Variants in DRD3 observed in about 807,000 individuals in gnomAD.
The protein encoded by DRD3 is D(3) dopamine receptor.
In DRD3, 19 loss-of-function variants were observed where a neutral mutation model predicts 36.3. The ratio of observed to expected loss-of-function variants is 0.52; its 90% confidence interval spans 0.36 to 0.77. The LOEUF (loss-of-function observed/expected upper bound fraction) is 0.77, where lower values mean the gene tolerates loss of function less well. Among genes scored for constraint, DRD3 ranks in the 30% least tolerant of loss-of-function variants. The pLI is 0.00. For missense variants in DRD3, 465 were observed against 505.3 expected (o/e 0.92, Z 0.77); for synonymous variants, 195 against 203.7 (o/e 0.96, Z 0.36).
Position 114,155,684 on chromosome 3 carries a change from A to G in DRD3, c.383+4071T>C, listed in dbSNP as rs114207631. Among the ~76,000 whole-genome samples, 1,404 of 152,038 alleles carry G rather than the reference A, an allele frequency of 9.2e-3. 13 individuals are homozygous for G. Among genetic ancestry groups the G allele is most frequent in the Middle Eastern group, 0.051 (15 of 294 alleles). On this transcript the variant is annotated intron_variant, in intron 3 of 6. Transcript: ENST00000383673. The stretch of plus-strand genomic sequence containing the variant: ...ATTTCCACACCCTTGCGCAGGGAAC[A>G]ACCTGCACAACCTCACCCACAGCCC...
chr3:114,187,968 C>G lies in DRD3; in HGVS notation c.-155-9192G>C, dbSNP rs1037418358. Reference sequence around the variant, plus strand: ...GAGACACTAGATAATTCAACACAATCATGCTCCTTGTGCCCTAGGAAGAGA... The same window carrying G: ...GAGACACTAGATAATTCAACACAATGATGCTCCTTGTGCCCTAGGAAGAGA... On this transcript the variant is annotated intron_variant, in intron 1 of 7. Coordinates refer to the DRD3 transcript ENST00000460779. 9.9e-5 allele frequency among the ~76,000 whole-genome samples: 15 copies of G among 152,164 alleles called. 1 individual carries two copies. Among genetic ancestry groups the G allele is most frequent in the South Asian group, 6.2e-4 (3 of 4,828 alleles).
At chr3:114,137,726 T>G (rs2077486318) in intron 5 of DRD3, among the ~76,000 whole-genome samples, 1 of 151,658 alleles carries the variant, frequency 6.6e-6, no homozygotes, top group South Asian at 2.1e-4. Flanking sequence ...GCGCGGTGGC[T>G]CACGCTTGTA....
chr3:114,153,098 A>G (rs1465482072), intron 3 of DRD3, among the ~76,000 whole-genome samples: 1 of 152,202 alleles, frequency 6.6e-6, no homozygotes, highest in East Asian at 1.9e-4. Flanking sequence ...CGCGGGCATG[A>G]GAAACGGACT....
intron 2 of DRD3, among the ~76,000 whole-genome samples, chr3:114,162,030 C>CACTT (rs1464883510): frequency 3.3e-5 from 5 of 152,180 alleles, no homozygotes; most frequent in African/African-American, 7.2e-5. Context: ...TTCATTCATG[C>CACTT]ACTTGTAGAG....
intron 3 of DRD3, among the ~76,000 whole-genome samples, chr3:114,156,975 TCTTTCTTTCTTC>T (rs1386933923): frequency 7.4e-5 from 11 of 149,216 alleles, no homozygotes; most frequent in Admixed American, 1.3e-4. Context: ...CTTCCTTCCT[TCTTTCTTTCTTC>T]CTTTCTTTCT....
upstream of DRD3, among the ~76,000 whole-genome samples, chr3:114,179,799 T>C (rs2077936072): frequency 6.6e-6 from 1 of 152,188 alleles, no homozygotes; most frequent in Non-Finnish European, 1.5e-5. Flanking sequence ...TGTTTGACTA[T>C]GATGGAGACC....
chr3:114,191,180 G>A (rs1376459539), intron 1 of DRD3, among the ~76,000 whole-genome samples: 1 of 152,232 alleles, frequency 6.6e-6, no homozygotes, highest in Non-Finnish European at 1.5e-5. Context: ...CTGGTACAGG[G>A]AGGTGGAGAA....
At chr3:114,130,584 C>T (rs968450957) in intron 6 of DRD3, among the ~76,000 whole-genome samples, 4 of 152,118 alleles carry the variant, frequency 2.6e-5, no homozygotes, top group Non-Finnish European at 2.9e-5. Context: ...ACCACCACGC[C>T]TGGCTAATTT....
intron 2 of DRD3, among the ~76,000 whole-genome samples, chr3:114,160,273 T>C (rs1247447583): frequency 6.6e-6 from 1 of 151,988 alleles, no homozygotes; most frequent in African/African-American, 2.4e-5. Context: ...TGAGATGGAG[T>C]TTTGCTCTTG....
In DRD3 at chr3:114,174,927, A is replaced by G. The variant is rs73856232; in HGVS notation, c.-35-2900T>C. ...CACTCTCTAAGTAATTTACAATGAT[A>G]GGCTGGTTTCCTCATCAGCAAAATG... On this transcript the variant is annotated intron_variant, in intron 1 of 6. Coordinates refer to ENST00000383673, the MANE Select transcript of DRD3 (RefSeq NM_000796.6). Among the ~76,000 whole-genome samples the G allele has an allele frequency of 4.2e-3, 637 of 152,252 alleles. 5 individuals are homozygous for G. Among genetic ancestry groups the G allele is most frequent in the African/African-American group, 0.015 (610 of 41,536 alleles).
chr3:114,173,525 AG>A (rs1223525711), intron 1 of DRD3, among the ~76,000 whole-genome samples: 1 of 152,160 alleles, frequency 6.6e-6, no homozygotes, highest in African/African-American at 2.4e-5. Context: ...ATAAATGTGT[AG>A]GGTTCCTGGG....
chr3:114,150,814 C>T (rs1210520322), intron 3 of DRD3, among the ~76,000 whole-genome samples: 1 of 152,164 alleles, frequency 6.6e-6, no homozygotes, highest in Non-Finnish European at 1.5e-5. Context: ...TGTGTGTTTC[C>T]CCTGCTCCTA....
intron 3 of DRD3, among the ~76,000 whole-genome samples, chr3:114,150,144 A>G (rs1409300045): frequency 7.7e-6 from 1 of 129,346 alleles, no homozygotes; most frequent in East Asian, 2.3e-4. Context: ...TACGTTGCCA[A>G]TCTGACCTCC....
At chr3:114,143,553 C>T (rs902030898) in intron 4 of DRD3, among the ~76,000 whole-genome samples, 1 of 152,214 alleles carries the variant, frequency 6.6e-6, no homozygotes, top group Non-Finnish European at 1.5e-5. Context: ...ACTTCAAATT[C>T]ATTGATGGAT....
At chr3:114,191,466 AG>A (rs2078010385) in intron 1 of DRD3, among the ~76,000 whole-genome samples, 1 of 152,164 alleles carries the variant, frequency 6.6e-6, no homozygotes, top group Non-Finnish European at 1.5e-5. Flanking sequence ...ATGACAAGAG[AG>A]GTGGAACAAG....
intron 5 of DRD3, among the ~76,000 whole-genome samples, chr3:114,135,184 C>CTTTTTTT: frequency 7.5e-4 from 2 of 2,670 alleles, no homozygotes; most frequent in African/African-American, 8.6e-4. Context: ...TGATATTTGT[C>CTTTTTTT]TTTTTTTTTT....
intron 3 of DRD3, among the ~76,000 whole-genome samples, chr3:114,156,721 CTTTCTTTCTTTCTTTCTTTCT>C (rs2077671700): frequency 2.6e-5 from 1 of 38,480 alleles, no homozygotes; most frequent in Non-Finnish European, 5.6e-5. Context: ...GCCTGTCTTT[CTTTCTTTCTTTCTTTCTTTCT>C]TTTTCTTTCT....
intron 3 of DRD3, among the ~76,000 whole-genome samples, chr3:114,158,584 A>G (rs2077703793): frequency 6.6e-6 from 1 of 152,212 alleles, no homozygotes; most frequent in Non-Finnish European, 1.5e-5. Context: ...TGTGCCCATT[A>G]CAGAGTCTTG....
intron 3 of DRD3, among the ~76,000 whole-genome samples, chr3:114,156,798 T>C (rs937543208): frequency 3.2e-5 from 4 of 125,392 alleles, no homozygotes; most frequent in Non-Finnish European, 7.0e-5. Context: ...TTTCTTTCTT[T>C]CTCTTTTCTT....
Sources: gnomAD v4.1 joint callset for allele counts (sites outside exome capture counted in the v4.1 genomes callset) on GRCh38, gnomAD v4.1.1 for gene constraint, MANE v1.5 for transcripts, NCBI Gene and HGNC (gene_info 2026-07-23, HGNC 2026-07-21) for gene names.